The following RXRA variants were observed in gnomAD, a reference collection of about 807,000 sequenced individuals.
RXRA encodes the protein retinoic acid receptor RXR-alpha.
In RXRA, 5 loss-of-function variants were observed where a neutral mutation model predicts 44.5. The observed-to-expected ratio is 0.11, with a 90% CI of 0.06 to 0.24. RXRA has a LOEUF of 0.24. Ranked by LOEUF, RXRA falls within the 10% of genes least tolerant of loss-of-function variation. The pLI, the probability that RXRA is intolerant of heterozygous loss-of-function variation, is 1.00. For missense variants in RXRA, 412 were observed against 646.5 expected, an observed-to-expected ratio of 0.64 and a Z score of 3.93; for synonymous variants, 291 against 271.4, an observed-to-expected ratio of 1.07 and a Z score of -0.71.
chr9:134,392,308 C>G (rs1448424439), intron 1 of RXRA, among the ~76,000 whole-genome samples: 1 of 139,776 alleles, frequency 7.2e-6, no homozygotes, highest in Non-Finnish European at 1.6e-5. Context: ...GATGGGTGGT[C>G]TGCTCACGAT....
At chr9:134,375,970 C>T (rs1430625868) in intron 1 of RXRA, among the ~76,000 whole-genome samples, 2 of 140,442 alleles carry the variant, frequency 1.4e-5, no homozygotes, top group African/African-American at 5.1e-5. Flanking sequence ...CTCTGCTTCC[C>T]CCCCACCCCA....
chr9:134,391,845 G>A (rs901710766), intron 1 of RXRA, among the ~76,000 whole-genome samples: 1 of 152,220 alleles, frequency 6.6e-6, no homozygotes, highest in African/African-American at 2.4e-5. Context: ...TCTTGTTCCG[G>A]GCTTGGAAAC....
intron 4 of RXRA, among the ~76,000 whole-genome samples, chr9:134,415,796 C>G (rs1212123205): frequency 6.6e-6 from 1 of 152,164 alleles, no homozygotes; most frequent in Non-Finnish European, 1.5e-5. Context: ...AAGGGCATTT[C>G]CAGGGCGAGA....
rs945424922 is a variant in RXRA, at chr9:134,436,882, G to A, written c.*268G>A. 5 of 455,334 alleles carry A rather than the reference G, an allele frequency of 1.1e-5. No homozygotes were observed. The highest frequency in any genetic ancestry group is 3.9e-5 in the African/African-American group (2 of 50,850). 28.2% of individuals were successfully genotyped at this position (455,334 alleles called of 1,614,324 possible). A position where few individuals can be genotyped will look rare whatever the true frequency, so the allele number is the denominator to read the frequency against. ...GAGCCCAGCCAGGCGCCTCCCCACCGGGCTCTCAGGACACCCTGCCACACC... is the reference window on the plus strand; with the variant it reads ...GAGCCCAGCCAGGCGCCTCCCCACCAGGCTCTCAGGACACCCTGCCACACC... On this transcript the variant is annotated 3_prime_UTR_variant, in exon 10 of 10. Coordinates refer to ENST00000481739, the MANE Select transcript of RXRA (RefSeq NM_002957.6).
intron 1 of RXRA, among the ~76,000 whole-genome samples, chr9:134,381,909 G>A (rs887760353): frequency 6.6e-6 from 1 of 152,156 alleles, no homozygotes; most frequent in Non-Finnish European, 1.5e-5. Context: ...CCTCCCGGTG[G>A]GGGCTGCTCA....
chr9:134,435,585 A>G (rs1045558795), intron 9 of RXRA, among the ~76,000 whole-genome samples: 1 of 152,052 alleles, frequency 6.6e-6, no homozygotes, highest in African/African-American at 2.4e-5. Context: ...CGTGGGAGGC[A>G]CTCATGGGGT....
In RXRA at chr9:134,369,803, A is replaced by G. The variant is rs180832945; in HGVS notation, c.29-31829A>G. Among the ~76,000 whole-genome samples the G allele has an allele frequency of 5.9e-5, 9 of 152,148 alleles. No homozygotes were observed. In the East Asian group the frequency reaches 1.7e-3, roughly 29 times the overall value. ...TTTGGAGGCAGAGGTGTGGGAGGAG[A>G]GGCTGAGTCCAGAGGTCCCCTCCTC... On this transcript the variant is annotated intron_variant, in intron 1 of 9. Coordinates refer to ENST00000481739, the MANE Select transcript of RXRA (RefSeq NM_002957.6).
chr9:134,339,837 CTG>C (rs10532880), intron 1 of RXRA, among the ~76,000 whole-genome samples: 47,429 of 143,430 alleles, frequency 0.33, 7,641 homozygotes, highest in African/African-American at 0.39. Flanking sequence ...GTGTGTGAGT[CTG>C]TGTGTGTGTG....
chr9:134,394,775 T>G (rs1016940192), intron 1 of RXRA, among the ~76,000 whole-genome samples: 3 of 152,098 alleles, frequency 2.0e-5, no homozygotes, highest in Admixed American at 2.0e-4. Context: ...GATCTTGCAC[T>G]GGGGAAACTG....
chr9:134,377,140 C>T (rs368742182), intron 1 of RXRA, among the ~76,000 whole-genome samples: 6 of 152,346 alleles, frequency 3.9e-5, no homozygotes, highest in East Asian at 1.9e-4. Context: ...GCCCCAAGCT[C>T]GCTGCATCCG....
At chr9:134,326,992 G>GGGA (rs1834925022) in intron 1 of RXRA, among the ~76,000 whole-genome samples, 1 of 151,542 alleles carries the variant, frequency 6.6e-6, no homozygotes, top group Non-Finnish European at 1.5e-5. Flanking sequence ...ACAGGAACCC[G>GGGA]GCCGGAGCGG....
rs146035644 is a variant in RXRA at position 134,423,725 on chromosome 9, C to T, written c.910+1920C>T. On this transcript the variant is annotated intron_variant, in intron 6 of 9. Transcript: ENST00000481739. ...TTCTTTCAGGGTATGGTGAGTATTC[C>T]GCCTGCCAAGGGAACCCTGCCCTTG... The T allele has an allele frequency of 1.6e-3, 1,588 of 985,478 alleles. 19 individuals carry two copies. The African/African-American group carries it at 0.026, about 16-fold the overall frequency. 61.0% of individuals were successfully genotyped at this position (985,478 alleles called of 1,614,324 possible).
chr9:134,406,789 C>A lies in RXRA; in HGVS notation c.280-1360C>A, dbSNP rs898838850. 3.3e-5 allele frequency among the ~76,000 whole-genome samples: 5 copies of A among 152,270 alleles called. No homozygotes were observed. The East Asian group carries it at 9.6e-4, about 29-fold the overall frequency. On this transcript the variant is annotated intron_variant, in intron 2 of 9. Transcript: ENST00000481739. ...TGAGCCGCAGCCTCTGCATCTGGGA[C>A]ACCCAGGGTTTCCCATGCAGGGAGT...
intron 1 of RXRA, among the ~76,000 whole-genome samples, chr9:134,396,832 G>A (rs1164217503): frequency 6.6e-6 from 1 of 152,184 alleles, no homozygotes; most frequent in Admixed American, 6.5e-5. Flanking sequence ...CTGATCACTC[G>A]GCCCCAGCCT....
intron 1 of RXRA, among the ~76,000 whole-genome samples, chr9:134,388,590 T>C (rs1290646419): frequency 6.6e-6 from 1 of 152,046 alleles, no homozygotes; most frequent in Non-Finnish European, 1.5e-5. Context: ...ATCAGGTTAG[T>C]GTTGTGTGTG....
chr9:134,380,241 G>GA (rs1432165301), intron 1 of RXRA: 1 of 962,244 alleles, frequency 1.0e-6, no homozygotes, highest in African/African-American at 1.8e-5. Flanking sequence ...CCGATCCCAG[G>GA]ATGGGAGTGG....
chr9:134,429,771 C>T (rs1564298296), intron 7 of RXRA, among the ~76,000 whole-genome samples: 1 of 152,180 alleles, frequency 6.6e-6, no homozygotes, highest in Non-Finnish European at 1.5e-5. Flanking sequence ...GGCTGGAGGG[C>T]CCACCCTCGT....
intron 4 of RXRA, among the ~76,000 whole-genome samples, chr9:134,412,622 G>A (rs1588296652): frequency 6.6e-6 from 1 of 152,224 alleles, no homozygotes; most frequent in African/African-American, 2.4e-5. Context: ...CCGGGACCAG[G>A]GGTGGGCAGA....
intron 1 of RXRA, among the ~76,000 whole-genome samples, chr9:134,328,131 C>G (rs1466277246): frequency 1.3e-5 from 2 of 152,266 alleles, no homozygotes; most frequent in Non-Finnish European, 2.9e-5. Flanking sequence ...CTGCCTTTCC[C>G]TGTTAAAGCT....
Sources: allele counts gnomAD v4.1 joint callset (sites outside exome capture counted in the v4.1 genomes callset), GRCh38; gene constraint gnomAD v4.1.1; transcripts MANE v1.5; gene names NCBI Gene and HGNC (gene_info 2026-07-23, HGNC 2026-07-21).